The following SLC44A5 variants were observed in gnomAD, a reference collection of about 807,000 sequenced individuals.
The protein encoded by SLC44A5 is solute carrier family 44 member 5.
Under a neutral mutation model 101.8 loss-of-function variants are expected in SLC44A5, and 57 were observed. That is an observed-to-expected ratio of 0.56 (90% CI 0.45 to 0.70). SLC44A5 has a LOEUF of 0.70. SLC44A5 is among the 30% of genes least tolerant of loss of function. The pLI is 0.00. For synonymous variants in SLC44A5, 281 were observed against 290.9 expected (o/e 0.97, Z 0.35); for missense variants, 737 against 853.1 (o/e 0.86, Z 1.70).
chr1:75,686,146 T>G, the SLC44A5 span, among the ~76,000 whole-genome samples: 2 of 152,140 alleles, frequency 1.3e-5, no homozygotes, highest in South Asian at 4.1e-4. Flanking sequence ...CACATGGAGA[T>G]TATGGGAACT....
the SLC44A5 span, among the ~76,000 whole-genome samples, chr1:75,722,994 T>C: frequency 6.6e-6 from 1 of 152,244 alleles, no homozygotes; most frequent in African/African-American, 2.4e-5. Context: ...TAGCCTGTTT[T>C]CTTCCTTATC....
chr1:75,598,624 G>A (rs1331836604), intron 1 of SLC44A5, among the ~76,000 whole-genome samples: 1 of 146,214 alleles, frequency 6.8e-6, no homozygotes, highest in East Asian at 1.9e-4. Context: ...GTCCTTTGCA[G>A]GGACATGAAT....
intron 3 of SLC44A5, among the ~76,000 whole-genome samples, chr1:75,364,725 T>C (rs1293435059): frequency 6.6e-6 from 1 of 152,156 alleles, no homozygotes; most frequent in African/African-American, 2.4e-5. Flanking sequence ...CAAAGTTTAG[T>C]TCTCTTGATG....
At chr1:75,636,398 G>C in the SLC44A5 span, among the ~76,000 whole-genome samples, 1 of 152,058 alleles carries the variant, frequency 6.6e-6, no homozygotes, top group African/African-American at 2.4e-5. Context: ...AGTATAAGCA[G>C]ACTTGTAAGA....
At chr1:75,608,868 A>C (rs925380540) in intron 1 of SLC44A5, among the ~76,000 whole-genome samples, 3 of 151,808 alleles carry the variant, frequency 2.0e-5, no homozygotes, top group African/African-American at 7.3e-5. Context: ...ATGATTAGCA[A>C]TCCAAATCCC....
chr1:75,637,493 G>A, the SLC44A5 span, among the ~76,000 whole-genome samples: 1 of 151,884 alleles, frequency 6.6e-6, no homozygotes, highest in African/African-American at 2.4e-5. Context: ...GGTTACCAGG[G>A]GCTAGTGGAA....
chr1:75,362,340 T>C (rs2101120850), intron 3 of SLC44A5, among the ~76,000 whole-genome samples: 1 of 152,120 alleles, frequency 6.6e-6, no homozygotes, highest in East Asian at 1.9e-4. Flanking sequence ...TTGAGGCTTA[T>C]TTTGTTCTTC....
intron 1 of SLC44A5, among the ~76,000 whole-genome samples, chr1:75,569,466 T>G (rs1672960841): frequency 6.6e-6 from 1 of 152,116 alleles, no homozygotes; most frequent in Admixed American, 6.5e-5. Context: ...GGTCTCGAAC[T>G]CATGGGCTCA....
intron 4 of SLC44A5, among the ~76,000 whole-genome samples, chr1:75,323,856 T>G (rs1056138880): frequency 3.9e-5 from 6 of 152,232 alleles, no homozygotes; most frequent in Non-Finnish European, 8.8e-5. Context: ...AAATGGCTAT[T>G]GAGCTCATTC....
chr1:75,620,515 C>A, the SLC44A5 span, among the ~76,000 whole-genome samples: 860 of 152,170 alleles, frequency 5.7e-3, 12 homozygotes, highest in Admixed American at 0.034. Context: ...TTTTAATGAT[C>A]ACCATTCTAA....
chr1:75,329,113 C>A (rs951822881), intron 4 of SLC44A5, among the ~76,000 whole-genome samples: 3 of 152,156 alleles, frequency 2.0e-5, no homozygotes, highest in Non-Finnish European at 4.4e-5. Flanking sequence ...TCGCATGTAC[C>A]CTTGAACCTA....
chr1:75,617,452 T>C, the SLC44A5 span, among the ~76,000 whole-genome samples: 2 of 152,316 alleles, frequency 1.3e-5, no homozygotes, highest in East Asian at 3.9e-4. Context: ...ACTCAATCTC[T>C]CTGCTCTTCT....
chr1:75,638,162 TAAA>T, the SLC44A5 span, among the ~76,000 whole-genome samples: 1 of 151,990 alleles, frequency 6.6e-6, no homozygotes, highest in African/African-American at 2.4e-5. Context: ...TAAAAAGACT[TAAA>T]TAATATGACA....
chr1:75,375,194 T>C (rs1040558288), intron 3 of SLC44A5, among the ~76,000 whole-genome samples: 32 of 152,214 alleles, frequency 2.1e-4, no homozygotes, highest in African/African-American at 7.2e-4. Flanking sequence ...AATTTCACTA[T>C]AGAAATTTCA....
intron 8 of SLC44A5, 100 bp from the exon 9 acceptor site, chr1:75,242,161 T>A (rs1648691632): frequency 1.3e-6 from 1 of 765,760 alleles, no homozygotes; most frequent in Admixed American, 2.4e-5. Flanking sequence ...TCCATAATAA[T>A]CTCCTTATTT....
chr1:75,567,928 G>A (rs138303208), intron 1 of SLC44A5, among the ~76,000 whole-genome samples: 219 of 152,232 alleles, frequency 1.4e-3, no homozygotes, highest in Non-Finnish European at 2.2e-3. Context: ...ATAGTAGCTC[G>A]TAACTTCTTA....
intron 7 of SLC44A5, among the ~76,000 whole-genome samples, chr1:75,247,164 T>C (rs549894049): frequency 1.1e-3 from 165 of 152,112 alleles, no homozygotes; most frequent in Non-Finnish European, 1.9e-3. Context: ...AAAGAGGTGA[T>C]GGCTCCTTGA....
rs577472032 is a variant in SLC44A5 at position 75,582,398 on chromosome 1, TC to T, written c.-70+28641del. 547 of 752,026 alleles carry T rather than the reference TC, an allele frequency of 7.3e-4. 3 individuals are homozygous for T. The African/African-American group carries it at 8.0e-3, about 11-fold the overall frequency. The allele number at this position is 752,026 out of a possible 1,614,324, so 46.6% of individuals were successfully genotyped here. A position where few individuals can be genotyped will look rare whatever the true frequency, so the allele number is the denominator to read the frequency against. Reference sequence around the variant, plus strand: ...CCATCGACTTGCCCACATTGCCCACTCCAAGCTTGGGAAGCATGATCATGCC... The same window carrying T: ...CCATCGACTTGCCCACATTGCCCACTCAAGCTTGGGAAGCATGATCATGCC... On this transcript the variant is annotated intron_variant, in intron 1 of 23. Transcript: ENST00000370859.
chr1:75,606,037 T>C (rs374234221), intron 1 of SLC44A5, among the ~76,000 whole-genome samples: 3 of 152,112 alleles, frequency 2.0e-5, no homozygotes, highest in African/African-American at 7.2e-5. Flanking sequence ...ACAATCAAAA[T>C]ATCTCCAGAC....
Sources: gnomAD v4.1 joint callset for allele counts (sites outside exome capture counted in the v4.1 genomes callset) on GRCh38, gnomAD v4.1.1 for gene constraint, MANE v1.5 for transcripts, NCBI Gene and HGNC (gene_info 2026-07-23, HGNC 2026-07-21) for gene names.